GTPBP10: variants seen among roughly 807,000 people sequenced by gnomAD.
The protein encoded by GTPBP10 is GTP-binding protein 10.
GTPBP10 carries 38 observed loss-of-function variants against 44.8 expected under a neutral mutation model. That is an observed-to-expected ratio of 0.85 (90% CI 0.65 to 1.11). The LOEUF is 1.11. GTPBP10 is among the 50% of genes most tolerant of loss of function. The pLI is 0.00. For synonymous variants in GTPBP10, 152 were observed against 150.6 expected, an observed-to-expected ratio of 1.01 and a Z score of -0.07; for missense variants, 462 against 453.7, an observed-to-expected ratio of 1.02 and a Z score of -0.17.
chr7:90,362,131 C>T (rs747895048), intron 4 of GTPBP10, among the ~76,000 whole-genome samples: 177 of 151,580 alleles, frequency 1.2e-3, no homozygotes, highest in Non-Finnish European at 2.1e-3. Context: ...TCTCTATTTC[C>T]TTCATTTCTG....
intron 4 of GTPBP10, among the ~76,000 whole-genome samples, chr7:90,359,304 C>A (rs1795967674): frequency 6.6e-6 from 1 of 151,858 alleles, no homozygotes; most frequent in African/African-American, 2.4e-5. Flanking sequence ...CAGACCCCCA[C>A]CCCCTGACAG....
At chr7:90,366,978 T>A (rs1796146894) in intron 4 of GTPBP10, among the ~76,000 whole-genome samples, 1 of 152,232 alleles carries the variant, frequency 6.6e-6, no homozygotes, top group Non-Finnish European at 1.5e-5. Context: ...GAGATTCTGA[T>A]ACATTATGTC....
At chr7:90,358,124 C>T (rs886350709) in intron 4 of GTPBP10, among the ~76,000 whole-genome samples, 5 of 152,104 alleles carry the variant, frequency 3.3e-5, no homozygotes, top group African/African-American at 1.2e-4. Flanking sequence ...ATCAATAGCA[C>T]TGCTATACAC....
intron 1 of GTPBP10, among the ~76,000 whole-genome samples, chr7:90,347,326 G>A (rs1795697069): frequency 6.6e-6 from 1 of 151,822 alleles, no homozygotes; most frequent in South Asian, 2.1e-4. Flanking sequence ...CGTTGCCTGC[G>A]TCATATTTGG....
intron 4 of GTPBP10, among the ~76,000 whole-genome samples, chr7:90,369,265 G>A (rs1311278013): frequency 6.6e-6 from 1 of 152,190 alleles, no homozygotes; most frequent in Non-Finnish European, 1.5e-5. Flanking sequence ...GGACCCACTT[G>A]AGGAGGCAGT....
At position 90,358,776 on chromosome 7, in the gene GTPBP10, C is replaced by G. The variant is rs77586517; in HGVS notation, c.464+3546C>G. On this transcript the variant is annotated intron_variant, in intron 4 of 9. Transcript: ENST00000222511. ...AGTGGGACCTAATTAAAGTAAAAGT[C>G]TTGTGCACAGCAAAAGAAAGAATCA... Among the ~76,000 whole-genome samples, 1,036 of 152,222 alleles carry G rather than the reference C, an allele frequency of 6.8e-3. 14 individuals are homozygous for G. The highest frequency in any genetic ancestry group is 0.023 in the African/African-American group (938 of 41,548).
rs917090049 is a variant in GTPBP10, at chr7:90,363,089, A to G, written c.464+7859A>G. 5.3e-5 allele frequency among the ~76,000 whole-genome samples: 8 copies of G among 152,012 alleles called. No homozygotes were observed. In the South Asian group the frequency reaches 1.0e-3, roughly 20 times the overall value. ...CTCTTGGGTCTTGACTCTTTATCCAATTTGCCAGTCTGTGTCTTTTAGTTG... is the reference window on the plus strand; with the variant it reads ...CTCTTGGGTCTTGACTCTTTATCCAGTTTGCCAGTCTGTGTCTTTTAGTTG... On this transcript the variant is annotated intron_variant, in intron 4 of 9. Transcript: ENST00000222511.
At chr7:90,371,713 A>G (rs1439112811) in intron 4 of GTPBP10, among the ~76,000 whole-genome samples, 2 of 152,204 alleles carry the variant, frequency 1.3e-5, no homozygotes, top group Non-Finnish European at 2.9e-5. Flanking sequence ...ATATTTGTTG[A>G]AGCTAGGTGA....
At chr7:90,372,250 AT>A in intron 5 of GTPBP10, 22 bp downstream of exon 5, 1 of 1,455,444 alleles carries the variant, frequency 6.9e-7, no homozygotes, top group Non-Finnish European at 9.6e-7. Flanking sequence ...TTGATTGTAC[AT>A]TTTAATGAGT....
At chr7:90,360,637 C>T (rs1231810396) in intron 4 of GTPBP10, among the ~76,000 whole-genome samples, 1 of 152,054 alleles carries the variant, frequency 6.6e-6, no homozygotes, top group Non-Finnish European at 1.5e-5. Flanking sequence ...TTTTTGTTTC[C>T]ATACGAACTT....
chr7:90,371,784 AT>A (rs912319730), intron 4 of GTPBP10, among the ~76,000 whole-genome samples: 25 of 151,908 alleles, frequency 1.6e-4, no homozygotes, highest in East Asian at 1.2e-3. Context: ...TGTCTATAAA[AT>A]TTTTTTTTAA....
At chr7:90,372,099 G>A (rs183769175) in intron 4 of GTPBP10, 56 bp from the exon 5 acceptor site, 1 of 1,013,138 alleles carries the variant, frequency 9.9e-7, no homozygotes, top group East Asian at 2.4e-5. Flanking sequence ...TGAATTGTTA[G>A]GAATTCAGAG....
chr7:90,372,482 C>CTTTTTTTTTTTTTTTTTTTTTT (rs757973599), intron 5 of GTPBP10, among the ~76,000 whole-genome samples: 13 of 112,230 alleles, frequency 1.2e-4, no homozygotes, highest in African/African-American at 4.0e-4. Flanking sequence ...GCTTGGCTAA[C>CTTTTTTTTTTTTTTTTTTTTTT]TTTTTTTTTT....
intron 1 of GTPBP10, among the ~76,000 whole-genome samples, chr7:90,349,706 G>T (rs1351367085): frequency 6.6e-6 from 1 of 152,132 alleles, no homozygotes; most frequent in Non-Finnish European, 1.5e-5. Flanking sequence ...CTTAAATCCT[G>T]GTGCTCCCTT....
In GTPBP10 at chr7:90,346,730, C is replaced by A. The variant is rs763349796; in HGVS notation, c.-12C>A. 1.2e-6 allele frequency: 2 copies of A among 1,614,248 alleles called. No homozygotes were observed. The highest frequency in any genetic ancestry group is 1.7e-5 in the Admixed American group (1 of 60,034). On this transcript the variant is annotated 5_prime_UTR_variant, in exon 1 of 10. Coordinates refer to ENST00000222511, the MANE Select transcript of GTPBP10 (RefSeq NM_033107.4). Reference sequence around the variant, plus strand: ...CCGCTTCCGCAAGAAGGTTTCCTGGCCTGTTGCAGCCATGGTGCATTGCAG... The same window carrying A: ...CCGCTTCCGCAAGAAGGTTTCCTGGACTGTTGCAGCCATGGTGCATTGCAG...
At chr7:90,373,031 TATG>T (rs1049617593) in intron 5 of GTPBP10, among the ~76,000 whole-genome samples, 68 of 152,186 alleles carry the variant, frequency 4.5e-4, no homozygotes, top group African/African-American at 1.6e-3. Flanking sequence ...GAGGAATAAT[TATG>T]AGGTAATTAG....
At chr7:90,362,667 A>T (rs1183751073) in intron 4 of GTPBP10, among the ~76,000 whole-genome samples, 4 of 152,148 alleles carry the variant, frequency 2.6e-5, no homozygotes, top group Non-Finnish European at 5.9e-5. Flanking sequence ...TGCAGAGCTG[A>T]GTTCAATTCC....
Position 90,377,586 on chromosome 7 carries a change from T to G in GTPBP10, c.671T>G (p.Ile224Arg), listed in dbSNP as rs149486407. ...KGMGHKFLKH[I>R]ERTRQLLFVV... is the part of the protein sequence containing the mutation. ...ATGGGCCACAAATTCCTCAAGCATA[T>G]AGAAAGAACTAGACAACTACTTTTT... Residue 224 changes from isoleucine to arginine, a missense_variant, in exon 7 of 10, where the codon ATA (isoleucine) becomes AGA (arginine). By Grantham distance (97) the Ile-to-Arg change is moderately conservative (BLOSUM62 -3). Coordinates refer to ENST00000222511, the MANE Select transcript of GTPBP10 (RefSeq NM_033107.4). 1.9e-6 allele frequency: 3 copies of G among 1,609,372 alleles called. No individual in the cohort carries two copies. In the African/African-American group the frequency reaches 4.0e-5, roughly 22 times the overall value.
intron 4 of GTPBP10, among the ~76,000 whole-genome samples, chr7:90,362,572 T>A (rs1362859046): frequency 3.3e-5 from 5 of 152,112 alleles, no homozygotes; most frequent in East Asian, 3.8e-4. Flanking sequence ...CAATTTTGGA[T>A]TAAGTGCGGT....
Sources: allele counts gnomAD v4.1 joint callset (sites outside exome capture counted in the v4.1 genomes callset), GRCh38; gene constraint gnomAD v4.1.1; transcripts MANE v1.5; gene names NCBI Gene and HGNC (gene_info 2026-07-23, HGNC 2026-07-21).